Variants in ARHGEF17 observed in about 807,000 individuals in gnomAD.
ARHGEF17 encodes 164 kDa Rho-specific guanine-nucleotide exchange factor.
A neutral mutation model predicts 174.0 loss-of-function variants in ARHGEF17; 80 were observed. The ratio of observed to expected loss-of-function variants is 0.46; its 90% CI spans 0.38 to 0.55. The LOEUF is 0.55. ARHGEF17 is among the 20% of genes least tolerant of loss of function. The probability of loss-of-function intolerance (pLI) is 0.00; values close to 1 mark genes in which losing one functional copy is unlikely to be tolerated. For missense variants in ARHGEF17, 2,886 were observed against 2,839.7 expected, an observed-to-expected ratio of 1.02 and a Z score of -0.37; for synonymous variants, 1,311 against 1,189.1, an observed-to-expected ratio of 1.10 and a Z score of -2.11.
Position 73,365,830 on chromosome 11 carries a change from C to T in ARHGEF17, c.5878C>T (p.Leu1960Phe), listed in dbSNP as rs754848609. 7 of 1,613,232 alleles carry T rather than the reference C, an allele frequency of 4.3e-6. No individual in the cohort carries two copies. The South Asian group carries it at 4.4e-5, about 10-fold the overall frequency. The part of the protein sequence containing the change: ...PGTVSCPRAP[L>F]SPTGLGQGHT... ...TACTGTCAGCTGCCCACGGGCACCA[C>T]TCAGTCCCACAGGCCTCGGCCAGGG... is the stretch of plus-strand genomic sequence containing the variant. Residue 1960 changes from leucine (L) to phenylalanine (F), a missense_variant, in exon 20 of 21, where the codon CTC (leucine) becomes TTC (phenylalanine). Transcript: ENST00000263674. The surrounding 1 kb of genome is among the most constrained non-coding windows in gnomAD (Gnocchi z 4.9).
At chr11:73,335,490 T>G (rs1865271758) in intron 1 of ARHGEF17, among the ~76,000 whole-genome samples, 1 of 151,686 alleles carries the variant, frequency 6.6e-6, no homozygotes, top group Non-Finnish European at 1.5e-5. Flanking sequence ...GCCTGGAAGG[T>G]CCAGCTGTAT....
intron 3 of ARHGEF17, among the ~76,000 whole-genome samples, chr11:73,353,658 G>A (rs944583620): frequency 1.3e-5 from 2 of 152,128 alleles, no homozygotes; most frequent in Non-Finnish European, 2.9e-5. Flanking sequence ...CAGAAAGCCT[G>A]GTTCCAGTGC....
In ARHGEF17 at chr11:73,362,526, C is replaced by T. The variant is rs376208407; in HGVS notation, c.4788C>T (p.Ala1596=). ...TCGAGGCCGCTGCAGACGAGGAAGCCGCGACGCTCGCGGAGCCGGGGCCGC... is the reference window on the plus strand; with the variant it reads ...TCGAGGCCGCTGCAGACGAGGAAGCTGCGACGCTCGCGGAGCCGGGGCCGC... ...LDVEAAADEE[A]ATLAEPGPQP... The change falls in exon 14 of 21, where the codon GCC becomes GCT. Residue 1596 remains alanine (A), a synonymous_variant. Transcript: ENST00000263674. The T allele has an allele frequency of 1.2e-6, 2 of 1,605,758 alleles. No individual in the cohort carries two copies. The highest frequency in any genetic ancestry group is 2.2e-5 in the East Asian group (1 of 44,810).
intron 1 of ARHGEF17, among the ~76,000 whole-genome samples, chr11:73,325,563 C>T (rs1399118868): frequency 6.6e-6 from 1 of 152,246 alleles, no homozygotes; most frequent in African/African-American, 2.4e-5. Context: ...CTCTCTCTCT[C>T]TCTCACTTTC....
At position 73,365,509 on chromosome 11, in the gene ARHGEF17, CT is replaced by C; in HGVS notation, c.5673del (p.Phe1891LeufsTer7). On this transcript the variant is annotated frameshift_variant, in exon 19 of 21. Coordinates refer to ENST00000263674, the MANE Select transcript of ARHGEF17 (RefSeq NM_014786.4). LOFTEE classifies it high-confidence loss of function. This position sits in a 1 kb window ranked among gnomAD's most constrained non-coding sequence, Gnocchi z 4.9. ...AHVCLYHPDT[F>X]EQLAEVDVTP... The stretch of plus-strand genomic sequence containing the variant: ...ACGTGTGTCTCTACCATCCAGACAC[CT>C]TTGAGCAGCTGGCAGAAGTAGACGT... 2.5e-6 allele frequency: 4 copies of C among 1,614,144 alleles called. No individual in the cohort carries two copies. The highest frequency in any genetic ancestry group is 3.4e-6 in the Non-Finnish European group (4 of 1,180,040).
chr11:73,362,857 C>CAG, intron 14 of ARHGEF17, 123 bp downstream of exon 14: 1 of 1,246,922 alleles, frequency 8.0e-7, no homozygotes, highest in Non-Finnish European at 1.1e-6. Context: ...TGTTAGCACA[C>CAG]AGAGCAATGA....
chr11:73,362,755 C>G (rs1865768981), intron 14 of ARHGEF17, 21 bp downstream of exon 14: 2 of 1,587,428 alleles, frequency 1.3e-6, no homozygotes, highest in African/African-American at 2.7e-5. Flanking sequence ...GCCATCTCCT[C>G]CAACTTGGCC....
At position 73,363,842 on chromosome 11, in the gene ARHGEF17, C is replaced by G; in HGVS notation, c.5333+9C>G. 1 of 1,613,576 alleles carries G rather than the reference C, an allele frequency of 6.2e-7. No homozygotes were observed. The highest frequency in any genetic ancestry group is 8.5e-7 in the Non-Finnish European group (1 of 1,179,868). ...TCTGTGACCTGCATCTTGTAAGGCC[C>G]CAGGGTGGCCCTTCCTATCTAGACT... On this transcript the variant is annotated intron_variant, in intron 16 of 20. Transcript: ENST00000263674.
At chr11:73,340,643 G>A (rs1346580804) in intron 1 of ARHGEF17, among the ~76,000 whole-genome samples, 1 of 152,216 alleles carries the variant, frequency 6.6e-6, no homozygotes, top group Non-Finnish European at 1.5e-5. Context: ...GCCCAGGGTT[G>A]TGTAGCTTGA....
At position 73,355,909 on chromosome 11, in the gene ARHGEF17, A is replaced by G; in HGVS notation, c.3619A>G (p.Ile1207Val). The stretch of plus-strand genomic sequence containing the variant: ...GAAGCAGGCGCTGTCTGACCTCATG[A>G]TCAAGCCTGTGCAGCGGATCCCACG... ...KEKQALSDLM[I>V]KPVQRIPRYE... The change falls in exon 5 of 21, where the codon ATC (isoleucine) becomes GTC (valine). Residue 1207 changes from isoleucine (I) to valine (V), a missense_variant. Around this residue, in one of 4 missense-constraint regions of ARHGEF17, gnomAD observed 353 missense variants for 470.3 expected, o/e 0.75. Coordinates refer to ENST00000263674, the MANE Select transcript of ARHGEF17 (RefSeq NM_014786.4). 6.2e-7 allele frequency: 1 copy of G among 1,614,204 alleles called. No individual in the cohort carries two copies. Among genetic ancestry groups the G allele is most frequent in the Non-Finnish European group, 8.5e-7 (1 of 1,180,038 alleles).
At chr11:73,343,345 A>T in intron 1 of ARHGEF17, 1 of 392,642 alleles carries the variant, frequency 2.5e-6, no homozygotes, top group Non-Finnish European at 4.5e-6. Context: ...CCCAGGAGCC[A>T]ACCCAGGAGA....
intron 2 of ARHGEF17, among the ~76,000 whole-genome samples, chr11:73,351,928 A>G (rs181086144): frequency 6.6e-6 from 1 of 152,172 alleles, no homozygotes; most frequent in Non-Finnish European, 1.5e-5. Context: ...TATGTCATCC[A>G]TTCTGAGACT....
At chr11:73,351,446 TAAAATAACG>T (rs1865552498) in intron 2 of ARHGEF17, among the ~76,000 whole-genome samples, 1 of 152,102 alleles carries the variant, frequency 6.6e-6, no homozygotes, top group Non-Finnish European at 1.5e-5. Context: ...AGATTTGACG[TAAAATAACG>T]GGAGTTTTAG....
chr11:73,363,162 G>A, intron 14 of ARHGEF17, 44 bp from the exon 15 acceptor site: 1 of 1,485,584 alleles, frequency 6.7e-7, no homozygotes, highest in African/African-American at 1.4e-5. Flanking sequence ...CAGGTCCCAG[G>A]CCTGGCAGAG....
rs1256365113 is a variant in ARHGEF17 at position 73,308,888 on chromosome 11, C to T, written c.250C>T (p.Gln84Ter). 1.5e-6 allele frequency: 2 copies of T among 1,364,334 alleles called. No individual in the cohort carries two copies. The highest frequency in any genetic ancestry group is 3.8e-5 in the Admixed American group (1 of 26,460). The allele number at this position is 1,364,334 out of a possible 1,614,324, so 84.5% of individuals were successfully genotyped here. A position where few individuals can be genotyped will look rare whatever the true frequency, so the allele number is the denominator to read the frequency against. The change falls in exon 1 of 21, where the codon CAG becomes TAG. Residue 84 changes from glutamine to a stop codon, truncating the protein, a stop_gained. Transcript: ENST00000263674. LOFTEE classifies it high-confidence loss of function. ...PLRSLSPSVR[Q>*]LSRRFDAPRL... is the part of the protein sequence containing the mutation. ...CCGCAGCCTCTCGCCGTCGGTTCGC[C>T]AGCTCTCCCGGCGCTTCGACGCGCC...
intron 9 of ARHGEF17, among the ~76,000 whole-genome samples, chr11:73,357,876 C>T (rs79521881): frequency 0.012 from 1,791 of 152,304 alleles, 39 homozygotes; most frequent in African/African-American, 0.04. Context: ...CCTGCTTCCT[C>T]ATAACTCCCG....
At chr11:73,366,180 A>G (rs192451347) in intron 20 of ARHGEF17, among the ~76,000 whole-genome samples, 21 of 152,330 alleles carry the variant, frequency 1.4e-4, no homozygotes, top group African/African-American at 4.8e-4. Context: ...AGTTCTATCC[A>G]GAGAAATGTC....
chr11:73,330,105 G>A (rs1192198660), intron 1 of ARHGEF17, among the ~76,000 whole-genome samples: 2 of 152,144 alleles, frequency 1.3e-5, no homozygotes, highest in Non-Finnish European at 2.9e-5. Flanking sequence ...CTATTTTTCT[G>A]TTGGGTTGTT....
intron 1 of ARHGEF17, among the ~76,000 whole-genome samples, chr11:73,345,899 C>G (rs948451733): frequency 5.9e-5 from 9 of 152,072 alleles, no homozygotes; most frequent in African/African-American, 2.2e-4. Flanking sequence ...GGAGTGGAGT[C>G]TCTGCCAGAG....
Sources: gnomAD v4.1 joint callset for allele counts (sites outside exome capture counted in the v4.1 genomes callset) on GRCh38, gnomAD v4.1.1 for gene constraint, gnomAD v4.1.1 regional missense constraint, Gnocchi (gnomAD v3.1) non-coding constraint, MANE v1.5 for transcripts, NCBI Gene and HGNC (gene_info 2026-07-23, HGNC 2026-07-21) for gene names.